The following TRIM2 variants were observed in gnomAD, a reference collection of about 807,000 sequenced individuals.
The protein encoded by TRIM2 is tripartite motif containing 2.
A neutral mutation model predicts 75.2 loss-of-function variants in TRIM2; 20 were observed. The ratio of observed to expected loss-of-function variants is 0.27; its 90% CI spans 0.19 to 0.39. The LOEUF is 0.39. TRIM2 is among the 10% of genes least tolerant of loss of function. The probability of loss-of-function intolerance (pLI) is 1.00; values close to 1 mark genes in which losing one functional copy is unlikely to be tolerated. For synonymous variants in TRIM2, 373 were observed against 388.3 expected (o/e 0.96, Z 0.46); for missense variants, 660 against 990.8 (o/e 0.67, Z 4.48).
At chr4:153,258,127 G>GC (rs1752525951) in intron 1 of TRIM2, among the ~76,000 whole-genome samples, 1 of 152,094 alleles carries the variant, frequency 6.6e-6, no homozygotes, top group South Asian at 2.1e-4. Context: ...CTTCCTCGCT[G>GC]CCCCAGGGTA....
chr4:153,317,302 A>G (rs890607360), intron 8 of TRIM2, among the ~76,000 whole-genome samples: 3 of 152,060 alleles, frequency 2.0e-5, no homozygotes, highest in Non-Finnish European at 4.4e-5. Context: ...GCCATCTGCA[A>G]ATCGTAACTT....
intron 1 of TRIM2, among the ~76,000 whole-genome samples, chr4:153,198,449 G>A (rs535420248): frequency 4.6e-5 from 7 of 152,228 alleles, no homozygotes; most frequent in Middle Eastern, 3.4e-3. Flanking sequence ...TGTAAGATAT[G>A]CCCTTCACCC....
At chr4:153,197,272 T>C (rs1733874026) in intron 1 of TRIM2, among the ~76,000 whole-genome samples, 1 of 152,214 alleles carries the variant, frequency 6.6e-6, no homozygotes, top group African/African-American at 2.4e-5. Flanking sequence ...TAAGAGTATT[T>C]TTTATCCATA....
intron 6 of TRIM2, among the ~76,000 whole-genome samples, chr4:153,303,424 G>T (rs1764346376): frequency 6.7e-6 from 1 of 149,504 alleles, no homozygotes; most frequent in Non-Finnish European, 1.5e-5. Context: ...AGTGAGCCAA[G>T]ATCTTGCCAC....
At chr4:153,225,987 C>T (rs995394626) in intron 1 of TRIM2, among the ~76,000 whole-genome samples, 13 of 152,184 alleles carry the variant, frequency 8.5e-5, no homozygotes, top group African/African-American at 2.9e-4. Context: ...TCTCCCACCT[C>T]AGCCTCCCGA....
intron 3 of TRIM2, among the ~76,000 whole-genome samples, chr4:153,278,875 G>A (rs1480326010): frequency 1.3e-5 from 2 of 152,098 alleles, no homozygotes; most frequent in South Asian, 2.1e-4. Context: ...TGAAATTCAG[G>A]CAACAGCTTA....
chr4:153,179,025 A>G (rs1358540159), intron 1 of TRIM2, among the ~76,000 whole-genome samples: 1 of 152,130 alleles, frequency 6.6e-6, no homozygotes, highest in African/African-American at 2.4e-5. Context: ...CCTCATCTCT[A>G]CAAAAAATTT....
chr4:153,336,114 T>C lies in TRIM2; in HGVS notation c.*1148T>C, dbSNP rs911057244. ...TACATGATTAGGGTAAGATAGAATG[T>C]ATTATATATATATATATATACACAC... On this transcript the variant is annotated 3_prime_UTR_variant, in exon 12 of 12. Transcript: ENST00000338700. 6.3e-6 allele frequency: 6 copies of C among 952,290 alleles called. No individual in the cohort carries two copies. Among genetic ancestry groups the C allele is most frequent in the Non-Finnish European group, 7.4e-6 (6 of 814,476 alleles). The allele number at this position is 952,290 out of a possible 1,614,324, so 59.0% of individuals were successfully genotyped here. A position where few individuals can be genotyped will look rare whatever the true frequency, so the allele number is the denominator to read the frequency against.
chr4:153,221,997 A>G, intron 1 of TRIM2, among the ~76,000 whole-genome samples: 1 of 122,038 alleles, frequency 8.2e-6, no homozygotes, highest in East Asian at 2.7e-4. Flanking sequence ...GGAGAGAGGA[A>G]GGAAGGAAAG....
intron 1 of TRIM2, among the ~76,000 whole-genome samples, chr4:153,189,794 G>A (rs893926221): frequency 6.6e-6 from 1 of 152,156 alleles, no homozygotes; most frequent in African/African-American, 2.4e-5. Context: ...GCAAATTGAA[G>A]ATTTATCATT....
At chr4:153,291,468 G>A (rs933909074) in intron 3 of TRIM2, among the ~76,000 whole-genome samples, 5 of 152,134 alleles carry the variant, frequency 3.3e-5, no homozygotes, top group African/African-American at 1.2e-4. Flanking sequence ...TTCATAAATT[G>A]GGTATAAATA....
Position 153,248,617 on chromosome 4 carries a change from G to T in TRIM2, c.31-21718G>T, listed in dbSNP as rs1484360699. Among the ~76,000 whole-genome samples the T allele has an allele frequency of 6.6e-6, 1 of 152,234 alleles. No individual in the cohort carries two copies. The highest frequency in any genetic ancestry group is 1.5e-5 in the Non-Finnish European group (1 of 68,044). ...TACAAACGAGCTAACAGACAGGCAA[G>T]GAGCAACCTGCAGATAAAGCAAATC... On this transcript the variant is annotated intron_variant, in intron 1 of 11. Transcript: ENST00000338700. This position sits in a 1 kb window ranked among gnomAD's most constrained non-coding sequence, Gnocchi z 4.0.
chr4:153,295,460 G>T lies in TRIM2; in HGVS notation c.934G>T (p.Ala312Ser). The change falls in exon 6 of 12, where the codon GCC becomes TCC. Residue 312 changes from alanine (A) to serine (S), a missense_variant. Transcript: ENST00000338700. This position sits in a 1 kb window ranked among gnomAD's most constrained non-coding sequence, Gnocchi z 7.2. The part of the protein sequence containing the change: ...KQMSEKLNEL[A>S]DQDFPLHPRE... ...GATGAGCGAGAAGCTGAACGAGCTG[G>T]CCGACCAGGACTTCCCCTTGCACCC... 6.2e-7 allele frequency: 1 copy of T among 1,614,224 alleles called. No homozygotes were observed. Among genetic ancestry groups the T allele is most frequent in the Non-Finnish European group, 8.5e-7 (1 of 1,180,034 alleles).
chr4:153,279,178 G>C (rs1758673933), intron 3 of TRIM2, among the ~76,000 whole-genome samples: 1 of 152,112 alleles, frequency 6.6e-6, no homozygotes, highest in Non-Finnish European at 1.5e-5. Context: ...GGCATCAATG[G>C]GCCTGGGGAA....
At position 153,335,550 on chromosome 4, in the gene TRIM2, A is replaced by AACTT. The variant is rs1425338059; in HGVS notation, c.*586_*589dup. The AACTT allele has an allele frequency of 5.1e-6, 5 of 985,340 alleles. No homozygotes were observed. The African/African-American group carries it at 8.7e-5, about 17-fold the overall frequency. The allele number at this position is 985,340 out of a possible 1,614,324, so 61.0% of individuals were successfully genotyped here. A position where few individuals can be genotyped will look rare whatever the true frequency, so the allele number is the denominator to read the frequency against. ...TGATTAGCAGCCCTCTGGAGTTCAG[A>AACTT]ACTTAAGTATCAGTGCAAATTTCTC... is the stretch of plus-strand genomic sequence containing the variant. On this transcript the variant is annotated 3_prime_UTR_variant, in exon 12 of 12. Coordinates refer to ENST00000338700, the MANE Select transcript of TRIM2 (RefSeq NM_015271.5).
intron 1 of TRIM2, among the ~76,000 whole-genome samples, chr4:153,249,632 G>A (rs540935379): frequency 6.6e-6 from 1 of 152,264 alleles, no homozygotes; most frequent in East Asian, 1.9e-4. Context: ...CTCCCGCCCC[G>A]GCCCTGGGGG....
intron 1 of TRIM2, among the ~76,000 whole-genome samples, chr4:153,193,867 G>A (rs115707155): frequency 0.026 from 4,013 of 152,242 alleles, 68 homozygotes; most frequent in Non-Finnish European, 0.041. Context: ...TCCAAGTGTG[G>A]GAGAGACGAA....
At chr4:153,244,355 C>CTTCTTCCTCT (rs1748079616) in intron 1 of TRIM2, among the ~76,000 whole-genome samples, 9 of 12,690 alleles carry the variant, frequency 7.1e-4, no homozygotes, top group South Asian at 5.4e-3. Flanking sequence ...CTTCTTCTTC[C>CTTCTTCCTCT]TCTTCTTCTT....
intron 1 of TRIM2, among the ~76,000 whole-genome samples, chr4:153,188,399 G>A (rs1362739840): frequency 1.3e-5 from 2 of 152,190 alleles, no homozygotes; most frequent in East Asian, 1.9e-4. Context: ...GGTAGAGGCT[G>A]CAGTGAGCTG....
Sources: gnomAD v4.1 joint callset for allele counts (sites outside exome capture counted in the v4.1 genomes callset) on GRCh38, gnomAD v4.1.1 for gene constraint, Gnocchi (gnomAD v3.1) non-coding constraint, MANE v1.5 for transcripts, NCBI Gene and HGNC (gene_info 2026-07-23, HGNC 2026-07-21) for gene names.